PTPN22: variants seen among roughly 807,000 people sequenced by gnomAD.
PTPN22 encodes tyrosine-protein phosphatase non-receptor type 22.
A neutral mutation model predicts 103.3 loss-of-function variants in PTPN22; 85 were observed. That is an observed-to-expected ratio of 0.82 (90% CI 0.69 to 0.99). PTPN22 has a LOEUF of 0.99. PTPN22 is among the 50% of genes least tolerant of loss of function. PTPN22 has a pLI of 0.00. For synonymous variants in PTPN22, 323 were observed against 310.2 expected, an observed-to-expected ratio of 1.04 and a Z score of -0.43; for missense variants, 865 against 936.9, an observed-to-expected ratio of 0.92 and a Z score of 1.00.
intron 11 of PTPN22, among the ~76,000 whole-genome samples, chr1:113,847,844 A>ACC (rs34366524): frequency 6.7e-6 from 1 of 150,362 alleles, no homozygotes; most frequent in Non-Finnish European, 1.5e-5. Flanking sequence ...ATATGGCAAA[A>ACC]CCCCACCTTG....
At chr1:113,821,886 G>A (rs886189019) in intron 19 of PTPN22, among the ~76,000 whole-genome samples, 18 of 152,182 alleles carry the variant, frequency 1.2e-4, no homozygotes, top group Non-Finnish European at 2.2e-4. Context: ...AAATATTAGG[G>A]CATGACACTA....
chr1:113,857,752 A>C, exon 5 of PTPN22: 2 of 1,611,620 alleles, frequency 1.2e-6, no homozygotes, highest in Non-Finnish European at 1.7e-6. Context: ...CCCATTTCAT[A>C]CTCCATGCAT....
exon 21 of PTPN22, chr1:113,814,760 C>T: frequency 1.5e-6 from 1 of 673,836 alleles, no homozygotes; most frequent in Non-Finnish European, 2.5e-6. Context: ...TGGCATTTTG[C>T]TTTTCTTTTA....
chr1:113,856,319 A>G (rs1204642738), intron 7 of PTPN22, 63 bp downstream of exon 7: 2 of 1,494,034 alleles, frequency 1.3e-6, no homozygotes, highest in Admixed American at 2.5e-5. Flanking sequence ...AGCTACACAC[A>G]TCTATATTTA....
At chr1:113,841,804 T>C (rs1174725217) in intron 11 of PTPN22, among the ~76,000 whole-genome samples, 1 of 152,146 alleles carries the variant, frequency 6.6e-6, no homozygotes, top group Non-Finnish European at 1.5e-5. Context: ...GATTTCACCA[T>C]GTTGGCCAGG....
intron 18 of PTPN22, among the ~76,000 whole-genome samples, chr1:113,826,499 T>C (rs1662077950): frequency 6.6e-6 from 1 of 151,824 alleles, no homozygotes; most frequent in Non-Finnish European, 1.5e-5. Context: ...ATTAGGACCA[T>C]TTCAGAATCC....
chr1:113,843,840 T>G (rs1478440204), intron 11 of PTPN22, among the ~76,000 whole-genome samples: 2 of 152,152 alleles, frequency 1.3e-5, no homozygotes, highest in African/African-American at 2.4e-5. Context: ...TTTTTGGGAG[T>G]TTTAAAATTA....
intron 7 of PTPN22, among the ~76,000 whole-genome samples, chr1:113,855,448 T>C (rs1044494140): frequency 7.3e-6 from 1 of 137,716 alleles, no homozygotes; most frequent in Non-Finnish European, 1.5e-5. Flanking sequence ...TAAGCCAAGA[T>C]TGCACCACTG....
chr1:113,821,226 AAGG>A (rs1411934591), intron 19 of PTPN22, among the ~76,000 whole-genome samples: 1 of 152,158 alleles, frequency 6.6e-6, no homozygotes, highest in Non-Finnish European at 1.5e-5. Context: ...TTTTTTTACA[AAGG>A]AGGCACAGAT....
intron 1 of PTPN22, among the ~76,000 whole-genome samples, chr1:113,861,393 A>G (rs1446614159): frequency 6.6e-6 from 1 of 152,120 alleles, no homozygotes; most frequent in Non-Finnish European, 1.5e-5. Context: ...GGCGCCCGCC[A>G]CCATGCCTGG....
exon 20 of PTPN22, chr1:113,819,620 T>C (rs766052729): frequency 9.3e-5 from 149 of 1,606,246 alleles, no homozygotes; most frequent in Non-Finnish European, 1.2e-4. Flanking sequence ...GAACAGATTC[T>C]GCAGGCTTGT....
intron 11 of PTPN22, among the ~76,000 whole-genome samples, chr1:113,844,475 AAACC>A (rs1241683776): frequency 6.6e-6 from 1 of 152,138 alleles, no homozygotes; most frequent in African/African-American, 2.4e-5. Context: ...AACAAACAAA[AAACC>A]AATTCTGATT....
At chr1:113,860,507 G>A (rs184950707) in intron 1 of PTPN22, among the ~76,000 whole-genome samples, 165 of 152,274 alleles carry the variant, frequency 1.1e-3, no homozygotes, top group Non-Finnish European at 1.9e-3. Flanking sequence ...TGAGAGGAGA[G>A]ATACTGAACT....
At chr1:113,857,362 A>C (rs1019307028) in intron 5 of PTPN22, among the ~76,000 whole-genome samples, 1 of 152,226 alleles carries the variant, frequency 6.6e-6, no homozygotes, top group Non-Finnish European at 1.5e-5. Flanking sequence ...TGAGTTCCCC[A>C]GTCACATTAG....
At chr1:113,851,327 T>A (rs1248920689) in intron 10 of PTPN22, among the ~76,000 whole-genome samples, 49 of 152,042 alleles carry the variant, frequency 3.2e-4, no homozygotes, top group Non-Finnish European at 1.5e-5. Context: ...CTAATTTTTT[T>A]ATTTTTAGTA....
chr1:113,861,531 C>T (rs1320656347), intron 1 of PTPN22, among the ~76,000 whole-genome samples: 1 of 152,096 alleles, frequency 6.6e-6, no homozygotes, highest in Non-Finnish European at 1.5e-5. Context: ...TGAGCCACCG[C>T]GCCCGGCCAA....
At chr1:113,841,692 T>A (rs1663565741) in intron 11 of PTPN22, among the ~76,000 whole-genome samples, 1 of 150,932 alleles carries the variant, frequency 6.6e-6, no homozygotes, top group African/African-American at 2.4e-5. Flanking sequence ...AGCCTCTGCC[T>A]CCTGGGGTCC....
At chr1:113,848,336 G>A (rs951474090) in intron 11 of PTPN22, among the ~76,000 whole-genome samples, 6 of 152,042 alleles carry the variant, frequency 3.9e-5, no homozygotes, top group African/African-American at 9.6e-5. Context: ...GTGAGCCACC[G>A]GACTTAGTGA....
At chr1:113,818,484 T>C (rs986097586) in intron 20 of PTPN22, among the ~76,000 whole-genome samples, 4 of 152,040 alleles carry the variant, frequency 2.6e-5, no homozygotes, top group Non-Finnish European at 5.9e-5. Context: ...TTTTTAAACC[T>C]CAGAGTTAAT....
Sources: gnomAD v4.1 joint callset for allele counts (sites outside exome capture counted in the v4.1 genomes callset) on GRCh38, gnomAD v4.1.1 for gene constraint, MANE v1.5 for transcripts, NCBI Gene and HGNC (gene_info 2026-07-23, HGNC 2026-07-21) for gene names.